UBAP2: variants seen among roughly 807,000 people sequenced by gnomAD.
UBAP2 encodes ubiquitin associated protein 2.
In UBAP2, 75 loss-of-function variants were observed where a neutral mutation model predicts 139.6. The ratio of observed to expected loss-of-function variants is 0.54; its 90% CI spans 0.45 to 0.65. UBAP2 has a LOEUF of 0.65. UBAP2 is among the 30% of genes least tolerant of loss of function. The pLI is 0.00. For synonymous variants in UBAP2, 526 were observed against 526.2 expected, an observed-to-expected ratio of 1.00 and a Z score of 0.01; for missense variants, 1,368 against 1,369.6, an observed-to-expected ratio of 1.00 and a Z score of 0.02.
chr9:34,042,085 A>G (rs951902514), intron 1 of UBAP2, among the ~76,000 whole-genome samples: 5 of 152,176 alleles, frequency 3.3e-5, no homozygotes, highest in African/African-American at 9.7e-5. Flanking sequence ...ATCAAGCATC[A>G]GAAGAATCAT....
At chr9:34,025,607 G>A (rs924085658) in intron 1 of UBAP2, among the ~76,000 whole-genome samples, 1 of 152,118 alleles carries the variant, frequency 6.6e-6, no homozygotes, top group Non-Finnish European at 1.5e-5. Context: ...CGATTAAAGT[G>A]AAAAAATTGT....
chr9:33,924,115 G>C (rs1482808637), intron 23 of UBAP2, 91 bp downstream of exon 23: 10 of 1,577,042 alleles, frequency 6.3e-6, no homozygotes, highest in Non-Finnish European at 8.7e-6. Context: ...CTACTAAGAG[G>C]CCTCTCTCAG....
chr9:33,932,577 C>T lies in UBAP2; in HGVS notation c.2160G>A (p.Ser720=), dbSNP rs149670277. The T allele has an allele frequency of 8.7e-6, 14 of 1,613,828 alleles. No individual in the cohort carries two copies. In the African/African-American group the frequency reaches 1.1e-4, roughly 12 times the overall value. Residue 720 remains serine, a synonymous_variant, in exon 19 of 29, where the codon TCG becomes TCA. Coordinates refer to ENST00000379238, the MANE Select transcript of UBAP2 (RefSeq NM_001370062.2). The part of the protein sequence containing the change: ...SSLSAHAALS[S]STSHTHASVE... ...AGACACTTACTGTGTGTGACGTGCT[C>T]GAGGAGAGGGCTGCATGTGCAGAGA...
At chr9:33,990,973 T>C (rs1259043656) in intron 4 of UBAP2, among the ~76,000 whole-genome samples, 1 of 152,106 alleles carries the variant, frequency 6.6e-6, no homozygotes, top group Non-Finnish European at 1.5e-5. Context: ...GCAATTCTAC[T>C]TCTAGGCCCT....
At chr9:34,039,032 C>A (rs923170210) in intron 1 of UBAP2, among the ~76,000 whole-genome samples, 2 of 148,202 alleles carry the variant, frequency 1.3e-5, no homozygotes, top group African/African-American at 5.0e-5. Flanking sequence ...AGTGAGGAGC[C>A]CCTCCGCCCA....
At chr9:33,978,324 C>T (rs1820336347) in intron 6 of UBAP2, among the ~76,000 whole-genome samples, 1 of 151,816 alleles carries the variant, frequency 6.6e-6, no homozygotes, top group South Asian at 2.1e-4. Flanking sequence ...ACTTGAGCCA[C>T]AGTAGTTTGA....
intron 12 of UBAP2, among the ~76,000 whole-genome samples, chr9:33,950,154 C>T (rs907439000): frequency 2.0e-5 from 3 of 152,202 alleles, no homozygotes; most frequent in Non-Finnish European, 4.4e-5. Context: ...CAAGCTCCGC[C>T]TCCCAGGTTC....
At position 33,943,628 on chromosome 9, in the gene UBAP2, C is replaced by G. The variant is rs575285961; in HGVS notation, c.1546-39G>C. ...GCTGTCGTGTCAGGAACAGAGGTCACAGATTCCAGGTCACAAAGGCCTATA... is the reference window on the plus strand; with the variant it reads ...GCTGTCGTGTCAGGAACAGAGGTCAGAGATTCCAGGTCACAAAGGCCTATA... On this transcript the variant is annotated intron_variant, in intron 14 of 28. Coordinates refer to ENST00000379238, the MANE Select transcript of UBAP2 (RefSeq NM_001370062.2). 1.4e-5 allele frequency: 23 copies of G among 1,608,304 alleles called. No homozygotes were observed. In the East Asian group the frequency reaches 5.1e-4, roughly 36 times the overall value.
At chr9:33,943,902 T>C (rs1258103442) in intron 14 of UBAP2, among the ~76,000 whole-genome samples, 1 of 151,184 alleles carries the variant, frequency 6.6e-6, no homozygotes, top group African/African-American at 2.4e-5. Flanking sequence ...CCCTGTCTCA[T>C]TTAAAAAAAA....
rs1361701273 is a variant in UBAP2, at chr9:33,922,412, C to A, written c.*92G>T. On this transcript the variant is annotated 3_prime_UTR_variant, in exon 29 of 29. Coordinates refer to ENST00000379238, the MANE Select transcript of UBAP2 (RefSeq NM_001370062.2). ...GCATGGCTGACACATGTCGGGAATTCTAGGAAAGGGCACTGGGCTCCCAAA... is the reference window on the plus strand; with the variant it reads ...GCATGGCTGACACATGTCGGGAATTATAGGAAAGGGCACTGGGCTCCCAAA... 7.7e-7 allele frequency: 1 copy of A among 1,303,922 alleles called. No homozygotes were observed. The highest frequency in any genetic ancestry group is 1.1e-6 in the Non-Finnish European group (1 of 920,792). 80.8% of individuals were successfully genotyped at this position (1,303,922 alleles called of 1,614,324 possible).
chr9:33,971,441 G>C (rs188270906), intron 8 of UBAP2, among the ~76,000 whole-genome samples: 4 of 152,270 alleles, frequency 2.6e-5, no homozygotes, highest in Admixed American at 2.6e-4. Flanking sequence ...GCTTGCAGAA[G>C]GGAAAATCAA....
intron 1 of UBAP2, among the ~76,000 whole-genome samples, chr9:34,045,009 A>C (rs1283084848): frequency 6.6e-6 from 1 of 152,064 alleles, no homozygotes; most frequent in Admixed American, 6.6e-5. Context: ...CCAGCATGAA[A>C]ATTAGTTATC....
At chr9:33,973,295 C>G in intron 6 of UBAP2, 58 bp from the exon 7 acceptor site, 2 of 1,547,462 alleles carry the variant, frequency 1.3e-6, no homozygotes, top group Non-Finnish European at 1.8e-6. Flanking sequence ...CACAATTACA[C>G]TTCCTTCTTC....
intron 6 of UBAP2, among the ~76,000 whole-genome samples, chr9:33,974,999 A>G (rs1322961488): frequency 6.6e-6 from 1 of 152,140 alleles, no homozygotes; most frequent in Admixed American, 6.6e-5. Context: ...AAGAAGATAT[A>G]CAAATGACCA....
chr9:33,970,123 G>A (rs1014257985), intron 8 of UBAP2, among the ~76,000 whole-genome samples: 19 of 149,922 alleles, frequency 1.3e-4, no homozygotes, highest in African/African-American at 2.9e-4. Context: ...TTGCAGAGAC[G>A]GAGTTTCACC....
chr9:34,029,662 C>T (rs1204450860), intron 1 of UBAP2, among the ~76,000 whole-genome samples: 1 of 151,888 alleles, frequency 6.6e-6, no homozygotes, highest in African/African-American at 2.4e-5. Flanking sequence ...ATAGCAAGAC[C>T]TTGTCTCTAT....
intron 12 of UBAP2, 199 bp from the exon 13 acceptor site, chr9:33,948,786 C>T (rs1825854403): frequency 2.0e-6 from 1 of 491,768 alleles, no homozygotes; most frequent in Non-Finnish European, 3.6e-6. Flanking sequence ...AGCTATCCTT[C>T]CTCATTCTGA....
chr9:34,039,614 G>A (rs567941355), intron 1 of UBAP2, among the ~76,000 whole-genome samples: 70 of 151,976 alleles, frequency 4.6e-4, no homozygotes, highest in African/African-American at 1.5e-3. Context: ...GATAAAGGGC[G>A]GTGCAAGATG....
intron 1 of UBAP2, among the ~76,000 whole-genome samples, chr9:34,039,231 T>G (rs10971863): frequency 0.81 from 121,357 of 149,444 alleles, 49,108 homozygotes; most frequent in Middle Eastern, 0.86. Flanking sequence ...CGTTGGGGAG[T>G]TGGGGGGCGC....
Sources: gnomAD v4.1 joint callset for allele counts (sites outside exome capture counted in the v4.1 genomes callset) on GRCh38, gnomAD v4.1.1 for gene constraint, MANE v1.5 for transcripts, NCBI Gene and HGNC (gene_info 2026-07-23, HGNC 2026-07-21) for gene names.